Variants in ALOX5 observed in about 807,000 individuals in gnomAD.
The protein encoded by ALOX5 is arachidonate 5-lipoxygenase.
Under a neutral mutation model 87.9 loss-of-function variants are expected in ALOX5, and 64 were observed. The observed-to-expected ratio is 0.73, with a 90% CI of 0.60 to 0.90. ALOX5 has a LOEUF of 0.90. Ranked by LOEUF, ALOX5 falls within the 40% of genes least tolerant of loss-of-function variation. The pLI is 0.00. For missense variants in ALOX5, 822 were observed against 907.5 expected (o/e 0.91, Z 1.21); for synonymous variants, 388 against 355.1 (o/e 1.09, Z -1.04).
chr10:45,403,606 C>T (rs1840777901), intron 3 of ALOX5, among the ~76,000 whole-genome samples: 1 of 152,118 alleles, frequency 6.6e-6, no homozygotes, highest in Admixed American at 6.5e-5. Flanking sequence ...CATATCCATA[C>T]ATATTTTATA....
At chr10:45,374,475 CG>C (rs778921712) in intron 1 of ALOX5, 46 bp downstream of exon 1, 1 of 1,461,102 alleles carries the variant, frequency 6.8e-7, no homozygotes, top group South Asian at 1.4e-5. Context: ...GAGGTGCGTC[CG>C]GGACCCGGTT....
At chr10:45,420,618 C>T (rs539892247) in intron 4 of ALOX5, among the ~76,000 whole-genome samples, 3 of 152,210 alleles carry the variant, frequency 2.0e-5, no homozygotes, top group Non-Finnish European at 2.9e-5. Flanking sequence ...AGGCCTTCCC[C>T]GTTAAACCTC....
At position 45,382,374 on chromosome 10, in the gene ALOX5, C is replaced by T. The variant is rs759142978; in HGVS notation, c.151-109C>T. 21 of 1,137,016 alleles carry T rather than the reference C, an allele frequency of 1.8e-5. 1 individual carries two copies. The highest frequency in any genetic ancestry group is 5.3e-5 in the South Asian group (4 of 75,616). 70.4% of individuals were successfully genotyped at this position (1,137,016 alleles called of 1,614,324 possible). A position where few individuals can be genotyped will look rare whatever the true frequency, so the allele number is the denominator to read the frequency against. On this transcript the variant is annotated intron_variant, in intron 1 of 13. Transcript: ENST00000374391. ...GTTTTTTTAAGTGCTTTTCATTCAA[C>T]GTAGTCCCTGTGCCACAGCAGCATA... is the stretch of plus-strand genomic sequence containing the variant.
chr10:45,439,301 T>C (rs1039265223), intron 7 of ALOX5, among the ~76,000 whole-genome samples: 25 of 152,154 alleles, frequency 1.6e-4, no homozygotes, highest in Non-Finnish European at 2.4e-4. Context: ...ACAATACTTA[T>C]AGCAAGTGAC....
chr10:45,401,381 A>C (rs1424433406), intron 3 of ALOX5, among the ~76,000 whole-genome samples: 1 of 152,216 alleles, frequency 6.6e-6, no homozygotes. Flanking sequence ...AAGAAGGAAA[A>C]TAATATAGAG....
intron 3 of ALOX5, among the ~76,000 whole-genome samples, chr10:45,408,583 TTCTAATGGGCTTAACATC>T (rs1483571516): frequency 1.3e-5 from 2 of 152,202 alleles, no homozygotes; most frequent in Non-Finnish European, 2.9e-5. Context: ...AAAGAGTCTG[TTCTAATGGGCTTAACATC>T]TCTGTGTTGA....
intron 7 of ALOX5, among the ~76,000 whole-genome samples, chr10:45,429,390 C>T (rs1323054995): frequency 1.3e-5 from 2 of 152,158 alleles, no homozygotes; most frequent in African/African-American, 4.8e-5. Flanking sequence ...GGGAGACTGG[C>T]AGATGAGCAT....
rs1201296346 is a variant in ALOX5 at position 45,399,421 on chromosome 10, C to G, written c.431+3485C>G. Among the ~76,000 whole-genome samples the G allele has an allele frequency of 5.3e-5, 8 of 152,270 alleles. No individual in the cohort carries two copies. The East Asian group carries it at 1.5e-3, about 29-fold the overall frequency. The stretch of plus-strand genomic sequence containing the variant: ...ATACTAAACATCCTTGAATTGAACA[C>G]TTTAAATGGATAAATTTTACAGTAT... On this transcript the variant is annotated intron_variant, in intron 3 of 13. Transcript: ENST00000374391.
chr10:45,441,931 C>T (rs1589049900), intron 9 of ALOX5, among the ~76,000 whole-genome samples: 2 of 152,132 alleles, frequency 1.3e-5, no homozygotes, highest in African/African-American at 4.8e-5. Flanking sequence ...GTTTTGAGCC[C>T]TCTGTAGCCT....
chr10:45,391,014 C>G, intron 2 of ALOX5, among the ~76,000 whole-genome samples: 1 of 102,046 alleles, frequency 9.8e-6, no homozygotes, highest in African/African-American at 4.2e-5. Flanking sequence ...CCTCTCTCCT[C>G]TCCCATCTCC....
intron 4 of ALOX5, among the ~76,000 whole-genome samples, chr10:45,420,180 A>G (rs1564436079): frequency 6.6e-6 from 1 of 152,240 alleles, no homozygotes; most frequent in Admixed American, 6.5e-5. Context: ...ATCCCCTTCT[A>G]TTAACTGATG....
intron 3 of ALOX5, among the ~76,000 whole-genome samples, chr10:45,407,733 A>T (rs1840934371): frequency 6.6e-6 from 1 of 152,202 alleles, no homozygotes; most frequent in Admixed American, 6.5e-5. Context: ...GAACATAGAT[A>T]AAGTAAGGCA....
intron 3 of ALOX5, among the ~76,000 whole-genome samples, chr10:45,407,834 C>T (rs532680185): frequency 5.3e-5 from 8 of 152,180 alleles, no homozygotes; most frequent in African/African-American, 1.7e-4. Context: ...GAAATTTTAA[C>T]GGTTCACTAG....
Position 45,420,469 on chromosome 10 carries a change from C to CA in ALOX5, c.555-3571dup, listed in dbSNP as rs1230223253. ...TTGGAAAACATTGCAAACTCTTCAGCAGTGGTTCTCAAAGTATAGCTTGCG... is the reference window on the plus strand; with the variant it reads ...TTGGAAAACATTGCAAACTCTTCAGCAAGTGGTTCTCAAAGTATAGCTTGCG... On this transcript the variant is annotated intron_variant, in intron 4 of 13. Transcript: ENST00000374391. Among the ~76,000 whole-genome samples the CA allele has an allele frequency of 2.0e-5, 3 of 152,376 alleles. No homozygotes were observed. In the East Asian group the frequency reaches 5.8e-4, roughly 29 times the overall value.
chr10:45,416,242 G>C (rs1005218432), intron 4 of ALOX5, among the ~76,000 whole-genome samples: 4 of 152,166 alleles, frequency 2.6e-5, no homozygotes, highest in Non-Finnish European at 4.4e-5. Context: ...GAGTCTCCAA[G>C]GGGTCAAGGT....
At chr10:45,441,053 C>T (rs1842219274) in intron 8 of ALOX5, among the ~76,000 whole-genome samples, 1 of 152,208 alleles carries the variant, frequency 6.6e-6, no homozygotes, top group Admixed American at 6.5e-5. Flanking sequence ...AATAGTACAG[C>T]TGCCTTACAG....
chr10:45,443,345 G>T (rs1031784148), intron 10 of ALOX5, 71 bp from the exon 11 acceptor site: 1 of 1,591,456 alleles, frequency 6.3e-7, no homozygotes, highest in African/African-American at 1.3e-5. Flanking sequence ...GCGTCCGTGA[G>T]GGGGTTGCCG....
At chr10:45,384,833 C>CCATTATTATTAT (rs1554789077) in intron 2 of ALOX5, among the ~76,000 whole-genome samples, 98 of 149,242 alleles carry the variant, frequency 6.6e-4, no homozygotes, top group Admixed American at 2.7e-3. Context: ...AATTTGTGGC[C>CCATTATTATTAT]TATTATTATT....
intron 3 of ALOX5, among the ~76,000 whole-genome samples, 159 bp downstream of exon 3, chr10:45,396,095 A>G (rs1449543226): frequency 6.6e-6 from 1 of 152,142 alleles, no homozygotes. Flanking sequence ...CCCAAACTTC[A>G]CCTTACCTAC....
Sources: gnomAD v4.1 joint callset for allele counts (sites outside exome capture counted in the v4.1 genomes callset) on GRCh38, gnomAD v4.1.1 for gene constraint, MANE v1.5 for transcripts, NCBI Gene and HGNC (gene_info 2026-07-23, HGNC 2026-07-21) for gene names.